Variants in PRKACB observed in about 807,000 individuals in gnomAD.
PRKACB encodes the protein cAMP-dependent protein kinase catalytic subunit beta.
A neutral mutation model predicts 51.4 loss-of-function variants in PRKACB; 16 were observed. The observed-to-expected ratio is 0.31, with a 90% CI of 0.21 to 0.47. The LOEUF (loss-of-function observed/expected upper bound fraction) is 0.47, where lower values mean the gene tolerates loss of function less well. Ranked by LOEUF, PRKACB falls within the 20% of genes least tolerant of loss-of-function variation. PRKACB has a pLI of 1.00. For synonymous variants in PRKACB, 147 were observed against 154.4 expected (o/e 0.95, Z 0.35); for missense variants, 309 against 464.5 (o/e 0.67, Z 3.08).
upstream of PRKACB, among the ~76,000 whole-genome samples, chr1:84,142,843 AGTCC>A (rs1653558236): frequency 6.6e-6 from 1 of 152,212 alleles, no homozygotes; most frequent in African/African-American, 2.4e-5. Flanking sequence ...CCTTTTATGT[AGTCC>A]TAATTTGATT....
At chr1:84,199,762 C>A (rs552476310) in intron 7 of PRKACB, among the ~76,000 whole-genome samples, 2 of 152,298 alleles carry the variant, frequency 1.3e-5, no homozygotes, top group East Asian at 3.9e-4. Flanking sequence ...AATTTACACT[C>A]CTACCAACAG....
intron 3 of PRKACB, 58 bp from the exon 4 acceptor site, chr1:84,183,979 A>G (rs1664360406): frequency 6.9e-7 from 1 of 1,440,578 alleles, no homozygotes; most frequent in Admixed American, 2.5e-5. Context: ...ATTTTTTTAA[A>G]TGATAACTTT....
At chr1:84,219,139 T>C (rs1426891183) in intron 9 of PRKACB, among the ~76,000 whole-genome samples, 2 of 152,186 alleles carry the variant, frequency 1.3e-5, no homozygotes, top group African/African-American at 2.4e-5. Context: ...AAGCTTTTAA[T>C]TTAATATAGC....
At chr1:84,118,556 A>G (rs1301837882) in intron 1 of PRKACB, among the ~76,000 whole-genome samples, 1 of 152,154 alleles carries the variant, frequency 6.6e-6, no homozygotes, top group Non-Finnish European at 1.5e-5. Context: ...AAATCTAAGA[A>G]ACAAATATAA....
intron 8 of PRKACB, among the ~76,000 whole-genome samples, chr1:84,211,221 T>C (rs1672099646): frequency 6.6e-6 from 1 of 152,206 alleles, no homozygotes; most frequent in Non-Finnish European, 1.5e-5. Flanking sequence ...TAGATGATTT[T>C]ATTTTTCATG....
chr1:84,082,658 A>G (rs1224564916), intron 1 of PRKACB, among the ~76,000 whole-genome samples: 1 of 152,172 alleles, frequency 6.6e-6, no homozygotes. Context: ...ACATTCTGTG[A>G]TAATGGAAGT....
intron 1 of PRKACB, among the ~76,000 whole-genome samples, chr1:84,091,252 A>C (rs954801365): frequency 6.6e-6 from 1 of 152,280 alleles, no homozygotes; most frequent in South Asian, 2.1e-4. Context: ...AGTTACTTAC[A>C]ATCAGGTTAC....
At chr1:84,081,461 T>A (rs189061335) in intron 1 of PRKACB, among the ~76,000 whole-genome samples, 15 of 152,348 alleles carry the variant, frequency 9.8e-5, no homozygotes, top group Non-Finnish European at 1.6e-4. Context: ...TACTATTACA[T>A]ACCTAACTGC....
intron 1 of PRKACB, among the ~76,000 whole-genome samples, chr1:84,085,267 T>C (rs1647874781): frequency 6.6e-6 from 1 of 152,250 alleles, no homozygotes; most frequent in Non-Finnish European, 1.5e-5. Flanking sequence ...GTCAGTTTTA[T>C]TCCCCTGGAG....
chr1:84,115,627 A>T (rs1035795762), intron 1 of PRKACB, among the ~76,000 whole-genome samples: 8 of 151,958 alleles, frequency 5.3e-5, no homozygotes, highest in Non-Finnish European at 8.8e-5. Flanking sequence ...TCACGCCTAT[A>T]ATCTCAGCAC....
At chr1:84,220,088 TG>T (rs1479645096) in intron 9 of PRKACB, among the ~76,000 whole-genome samples, 2 of 152,172 alleles carry the variant, frequency 1.3e-5, no homozygotes, top group African/African-American at 2.4e-5. Context: ...ACCATGACCA[TG>T]GGATGTCTTT....
chr1:84,122,907 C>G (rs1651208728), intron 1 of PRKACB, among the ~76,000 whole-genome samples: 1 of 152,062 alleles, frequency 6.6e-6, no homozygotes, highest in Non-Finnish European at 1.5e-5. Flanking sequence ...TTGTGTTTAT[C>G]TTATATTGCT....
At chr1:84,178,129 A>G (rs1289162501) in intron 1 of PRKACB, among the ~76,000 whole-genome samples, 2 of 152,058 alleles carry the variant, frequency 1.3e-5, no homozygotes, top group African/African-American at 4.8e-5. Flanking sequence ...TCCCAAAGGT[A>G]TGACATTGGT....
intron 8 of PRKACB, among the ~76,000 whole-genome samples, chr1:84,203,905 C>T (rs966829967): frequency 3.3e-5 from 5 of 151,962 alleles, no homozygotes; most frequent in Non-Finnish European, 7.4e-5. Flanking sequence ...GTATCTCAGC[C>T]ATATTCAAGC....
intron 1 of PRKACB, among the ~76,000 whole-genome samples, chr1:84,176,515 TTA>T (rs1451521787): frequency 6.6e-6 from 1 of 151,866 alleles, no homozygotes; most frequent in Non-Finnish European, 1.5e-5. Flanking sequence ...TTTGATTAAC[TTA>T]TATTTTTACA....
rs1672578785 is a variant in PRKACB at position 84,214,416 on chromosome 1, T to G, written c.1071+99T>G. The G allele has an allele frequency of 8.4e-6, 10 of 1,185,326 alleles. No individual in the cohort carries two copies. In the South Asian group the frequency reaches 1.6e-4, roughly 19 times the overall value. 73.4% of individuals were successfully genotyped at this position (1,185,326 alleles called of 1,614,324 possible). A position where few individuals can be genotyped will look rare whatever the true frequency, so the allele number is the denominator to read the frequency against. ...AACTTAACACATAGTTTTAATTTTT[T>G]TACCTTTTGAATTAATCTTGTGCAG... On this transcript the variant is annotated intron_variant, in intron 9 of 9. Coordinates refer to ENST00000370685, the MANE Select transcript of PRKACB (RefSeq NM_182948.4).
chr1:84,128,588 T>C (rs1223657127), intron 1 of PRKACB, among the ~76,000 whole-genome samples: 1 of 152,216 alleles, frequency 6.6e-6, no homozygotes, highest in Non-Finnish European at 1.5e-5. Context: ...TTTAAATAAA[T>C]AATAGTCATA....
intron 1 of PRKACB, among the ~76,000 whole-genome samples, chr1:84,095,126 A>T (rs1165044240): frequency 1.3e-5 from 2 of 151,904 alleles, no homozygotes; most frequent in Non-Finnish European, 2.9e-5. Flanking sequence ...AGATTGCCTA[A>T]TGACACATTT....
chr1:84,078,302 C>G, exon 1 of PRKACB: 4 of 1,604,442 alleles, frequency 2.5e-6, no homozygotes, highest in Non-Finnish European at 3.4e-6. Flanking sequence ...CCTTCCCTGA[C>G]CCCTTCTTGC....
Sources: allele counts gnomAD v4.1 joint callset (sites outside exome capture counted in the v4.1 genomes callset), GRCh38; gene constraint gnomAD v4.1.1; transcripts MANE v1.5; gene names NCBI Gene and HGNC (gene_info 2026-07-23, HGNC 2026-07-21).